The following CDC42SE2 variants were observed in gnomAD, a reference collection of about 807,000 sequenced individuals.
The protein encoded by CDC42SE2 is CDC42 small effector 2.
Under a neutral mutation model 11.5 loss-of-function variants are expected in CDC42SE2, and 3 were observed. That is an observed-to-expected ratio of 0.26 (90% CI 0.12 to 0.67). The LOEUF is 0.67. CDC42SE2 is among the 30% of genes least tolerant of loss of function. The pLI is 0.80. For synonymous variants in CDC42SE2, 33 were observed against 34.8 expected (o/e 0.95, Z 0.18); for missense variants, 82 against 106.8 (o/e 0.77, Z 1.02).
the CDC42SE2 span, among the ~76,000 whole-genome samples, chr5:131,222,205 A>G: frequency 6.6e-6 from 1 of 152,228 alleles, no homozygotes; most frequent in Non-Finnish European, 1.5e-5. Context: ...CTAATTTGGG[A>G]TGGAATCTCA....
the CDC42SE2 span, among the ~76,000 whole-genome samples, chr5:131,232,605 G>A: frequency 6.6e-6 from 1 of 151,382 alleles, no homozygotes; most frequent in African/African-American, 2.4e-5. Context: ...GTGTTGGCGG[G>A]CGCCTGTAAT....
In CDC42SE2 at chr5:131,288,088, G is replaced by A. The variant is rs559347129; in HGVS notation, c.-455+23922G>A. Among the ~76,000 whole-genome samples, 36 of 151,952 alleles carry A rather than the reference G, an allele frequency of 2.4e-4. No individual in the cohort carries two copies. The South Asian group carries it at 7.1e-3, about 30-fold the overall frequency. On this transcript the variant is annotated intron_variant, in intron 1 of 4. Coordinates refer to ENST00000505065, the MANE Select transcript of CDC42SE2 (RefSeq NM_001375635.1). ...GTGAGACTCTATCTCTATCAAAAAAGTAAATAAATAAATTAGCTTGGCATG... is the reference window on the plus strand; with the variant it reads ...GTGAGACTCTATCTCTATCAAAAAAATAAATAAATAAATTAGCTTGGCATG...
chr5:131,289,370 A>C (rs1206493121), intron 1 of CDC42SE2, among the ~76,000 whole-genome samples: 4 of 152,194 alleles, frequency 2.6e-5, no homozygotes, highest in African/African-American at 9.7e-5. Flanking sequence ...GCAAGGAGTC[A>C]TGTCAAGAGT....
chr5:131,298,528 C>A (rs926078751), intron 1 of CDC42SE2, among the ~76,000 whole-genome samples: 4 of 151,480 alleles, frequency 2.6e-5, no homozygotes, highest in African/African-American at 9.7e-5. Flanking sequence ...TTTTAGGGTC[C>A]CTGATACTTA....
intron 1 of CDC42SE2, among the ~76,000 whole-genome samples, chr5:131,299,723 C>T (rs529527478): frequency 9.9e-5 from 15 of 152,022 alleles, no homozygotes; most frequent in African/African-American, 3.6e-4. Context: ...GTAGATTTGG[C>T]GATCAGCATT....
At chr5:131,238,149 G>A in the CDC42SE2 span, among the ~76,000 whole-genome samples, 1 of 151,206 alleles carries the variant, frequency 6.6e-6, no homozygotes, top group South Asian at 2.1e-4. Context: ...CGGGGGTGAG[G>A]GCAAGGGGAG....
chr5:131,235,618 A>C, the CDC42SE2 span, among the ~76,000 whole-genome samples: 5 of 141,952 alleles, frequency 3.5e-5, no homozygotes, highest in African/African-American at 1.3e-4. Context: ...TTTTTTAGAC[A>C]GAGTCTCACT....
intron 2 of CDC42SE2, among the ~76,000 whole-genome samples, chr5:131,337,791 G>T (rs1269374581): frequency 6.6e-6 from 1 of 152,254 alleles, no homozygotes; most frequent in African/African-American, 2.4e-5. Flanking sequence ...TAATCTCCTG[G>T]TGTGCCGTTT....
intron 2 of CDC42SE2, among the ~76,000 whole-genome samples, chr5:131,340,419 T>C (rs1396321967): frequency 2.0e-5 from 3 of 152,136 alleles, no homozygotes; most frequent in African/African-American, 7.2e-5. Flanking sequence ...AGTTTGGTAA[T>C]ATTTATGGTT....
intron 2 of CDC42SE2, among the ~76,000 whole-genome samples, chr5:131,346,181 T>C (rs532491208): frequency 2.6e-5 from 4 of 152,278 alleles, no homozygotes; most frequent in South Asian, 4.1e-4. Flanking sequence ...ATGGGCTAAA[T>C]GTTCCAATTA....
chr5:131,262,924 A>C (rs1756761687), upstream of CDC42SE2, among the ~76,000 whole-genome samples: 1 of 151,040 alleles, frequency 6.6e-6, no homozygotes, highest in African/African-American at 2.5e-5. Flanking sequence ...ATGGGATGAA[A>C]GGAAAAATAG....
chr5:131,382,332 A>G (rs1750350629), intron 3 of CDC42SE2, among the ~76,000 whole-genome samples: 1 of 152,282 alleles, frequency 6.6e-6, no homozygotes, highest in East Asian at 1.9e-4. Context: ...ATATCTATTC[A>G]TTCTTTTTGG....
intron 1 of CDC42SE2, among the ~76,000 whole-genome samples, chr5:131,297,052 A>G (rs187757050): frequency 6.6e-6 from 1 of 152,264 alleles, no homozygotes; most frequent in African/African-American, 2.4e-5. Context: ...GTATGGAGAT[A>G]TAAATAGTAG....
chr5:131,305,807 T>G (rs1028257727), intron 1 of CDC42SE2, among the ~76,000 whole-genome samples: 3 of 152,214 alleles, frequency 2.0e-5, no homozygotes, highest in African/African-American at 7.2e-5. Context: ...TGGGGTTATA[T>G]CTAAAAAAAC....
chr5:131,379,562 C>T (rs2149785377), intron 3 of CDC42SE2, among the ~76,000 whole-genome samples: 1 of 152,234 alleles, frequency 6.6e-6, no homozygotes, highest in Admixed American at 6.5e-5. Context: ...CTTCTCGCCT[C>T]CTTGGATATA....
chr5:131,324,818 T>C (rs965175756), intron 2 of CDC42SE2, among the ~76,000 whole-genome samples: 1 of 152,220 alleles, frequency 6.6e-6, no homozygotes, highest in Non-Finnish European at 1.5e-5. Context: ...ATCCAAAATG[T>C]AATTGTTCTT....
chr5:131,298,613 GTTCT>G (rs1427135039), intron 1 of CDC42SE2, among the ~76,000 whole-genome samples: 1 of 74,090 alleles, frequency 1.3e-5, no homozygotes, highest in Non-Finnish European at 3.0e-5. Flanking sequence ...CTTGTAGATA[GTTCT>G]TTCTTTTTTT....
Position 131,393,860 on chromosome 5 carries a change from G to C in CDC42SE2, c.*2769G>C, listed in dbSNP as rs1327196627. 8.5e-6 allele frequency: 1 copy of C among 117,066 alleles called. No homozygotes were observed. The highest frequency in any genetic ancestry group is 1.6e-5 in the Non-Finnish European group (1 of 62,404). 7.3% of individuals were successfully genotyped at this position (117,066 alleles called of 1,614,324 possible). A position where few individuals can be genotyped will look rare whatever the true frequency, so the allele number is the denominator to read the frequency against. On this transcript the variant is annotated 3_prime_UTR_variant, in exon 5 of 5. Transcript: ENST00000505065. ...TTTTTTTTTGCTGCTCCAACGACCA[G>C]CATGTGTTGGAGCAGATCTCCATGG...
At chr5:131,325,120 A>G (rs898032685) in intron 2 of CDC42SE2, among the ~76,000 whole-genome samples, 1 of 152,176 alleles carries the variant, frequency 6.6e-6, no homozygotes, top group Non-Finnish European at 1.5e-5. Context: ...TCCCTCTTAT[A>G]ATAAGAAATA....
Sources: gnomAD v4.1 joint callset for allele counts (sites outside exome capture counted in the v4.1 genomes callset) on GRCh38, gnomAD v4.1.1 for gene constraint, MANE v1.5 for transcripts, NCBI Gene and HGNC (gene_info 2026-07-23, HGNC 2026-07-21) for gene names.